Variants in PTPRD observed in about 807,000 individuals in gnomAD.
The protein encoded by PTPRD is protein tyrosine phosphatase receptor type D.
In PTPRD, 34 loss-of-function variants were observed where a neutral mutation model predicts 214.5. The ratio of observed to expected loss-of-function variants is 0.16; its 90% confidence interval spans 0.12 to 0.21. PTPRD has a LOEUF of 0.21. Among genes scored for constraint, PTPRD ranks in the 10% least tolerant of loss-of-function variants. The pLI, the probability that PTPRD is intolerant of heterozygous loss-of-function variation, is 1.00. For synonymous variants in PTPRD, 1,128 were observed against 845.7 expected, an observed-to-expected ratio of 1.33 and a Z score of -5.79; for missense variants, 2,545 against 2,398.7, an observed-to-expected ratio of 1.06 and a Z score of -1.27.
At chr9:8,340,985 A>G in intron 41 of PTPRD, 105 bp downstream of exon 41, 4 of 1,190,662 alleles carry the variant, frequency 3.4e-6, no homozygotes, top group Non-Finnish European at 4.7e-6. Context: ...TGACCTATGC[A>G]GAAAGAAAAT....
At chr9:9,265,923 A>G (rs1348328949) in intron 9 of PTPRD, among the ~76,000 whole-genome samples, 2 of 151,596 alleles carry the variant, frequency 1.3e-5, no homozygotes, top group East Asian at 3.9e-4. Context: ...ACATTCTCCA[A>G]TCAAAAGACA....
intron 2 of PTPRD, among the ~76,000 whole-genome samples, chr9:10,579,814 G>C (rs1055367608): frequency 6.6e-6 from 1 of 152,080 alleles, no homozygotes; most frequent in Non-Finnish European, 1.5e-5. Flanking sequence ...ACTGGTGTGA[G>C]ATAATTCTCG....
intron 2 of PTPRD, among the ~76,000 whole-genome samples, chr9:10,426,157 T>C (rs1464613649): frequency 1.3e-5 from 2 of 152,012 alleles, no homozygotes; most frequent in African/African-American, 2.4e-5. Flanking sequence ...ATGTGAATAT[T>C]GCTTTTCCTA....
At chr9:9,103,842 C>T (rs1412033308) in intron 10 of PTPRD, among the ~76,000 whole-genome samples, 2 of 151,870 alleles carry the variant, frequency 1.3e-5, no homozygotes, top group Admixed American at 6.6e-5. Flanking sequence ...ATTAGCTGGG[C>T]GTGGTGATGT....
intron 4 of PTPRD, among the ~76,000 whole-genome samples, chr9:10,028,512 C>T (rs1480469195): frequency 6.6e-6 from 1 of 152,070 alleles, no homozygotes; most frequent in African/African-American, 2.4e-5. Context: ...TGGCTTTGAC[C>T]AAAATGCTGA....
intron 5 of PTPRD, among the ~76,000 whole-genome samples, chr9:9,793,664 A>G (rs1037768835): frequency 4.6e-5 from 7 of 152,006 alleles, no homozygotes; most frequent in Non-Finnish European, 1.0e-4. Context: ...TTTATTCAGT[A>G]TTTTCAAAGG....
chr9:10,056,983 A>G (rs1227689329), intron 3 of PTPRD, among the ~76,000 whole-genome samples: 1 of 152,194 alleles, frequency 6.6e-6, no homozygotes, highest in African/African-American at 2.4e-5. Flanking sequence ...CAAGTAGAGA[A>G]TTGTAAACAT....
chr9:8,428,519 G>A (rs1382671111), intron 35 of PTPRD, among the ~76,000 whole-genome samples: 3 of 152,060 alleles, frequency 2.0e-5, no homozygotes, highest in Non-Finnish European at 4.4e-5. Context: ...AGAAATGGAG[G>A]CCTTCCCTTA....
At chr9:10,187,998 T>C (rs2099345802) in intron 3 of PTPRD, among the ~76,000 whole-genome samples, 1 of 152,208 alleles carries the variant, frequency 6.6e-6, no homozygotes. Context: ...CATTGAGAAG[T>C]CTCTACAATT....
intron 10 of PTPRD, among the ~76,000 whole-genome samples, chr9:9,128,633 T>A (rs1029484059): frequency 1.3e-5 from 2 of 152,250 alleles, no homozygotes; most frequent in African/African-American, 4.8e-5. Flanking sequence ...TTTCTGAATA[T>A]CATACGACTT....
At chr9:9,905,991 C>G (rs370834288) in intron 5 of PTPRD, among the ~76,000 whole-genome samples, 1 of 151,856 alleles carries the variant, frequency 6.6e-6, no homozygotes, top group Admixed American at 6.6e-5. Flanking sequence ...GCCAGATGCT[C>G]TAGGCAATAG....
intron 14 of PTPRD, among the ~76,000 whole-genome samples, chr9:8,546,196 T>C (rs1414074241): frequency 6.6e-6 from 1 of 152,158 alleles, no homozygotes; most frequent in African/African-American, 2.4e-5. Context: ...TGCAATTTCA[T>C]CCACTCCTCC....
intron 2 of PTPRD, among the ~76,000 whole-genome samples, chr9:10,362,838 C>A (rs1031680290): frequency 6.6e-5 from 10 of 152,134 alleles, no homozygotes; most frequent in African/African-American, 2.4e-4. Context: ...CGACATCGTG[C>A]CACTGCACTC....
At chr9:10,224,751 C>A (rs1426808483) in intron 3 of PTPRD, among the ~76,000 whole-genome samples, 1 of 151,998 alleles carries the variant, frequency 6.6e-6, no homozygotes, top group Non-Finnish European at 1.5e-5. Flanking sequence ...AAGACCAACT[C>A]TCCTCTTCCT....
intron 3 of PTPRD, among the ~76,000 whole-genome samples, chr9:10,235,256 A>G (rs554661122): frequency 6.6e-6 from 1 of 152,124 alleles, no homozygotes; most frequent in Admixed American, 6.6e-5. Flanking sequence ...AAGTCTCTGA[A>G]TTTCCATAAC....
intron 5 of PTPRD, among the ~76,000 whole-genome samples, chr9:9,836,387 G>T (rs1331846196): frequency 6.6e-6 from 1 of 152,118 alleles, no homozygotes; most frequent in African/African-American, 2.4e-5. Context: ...TGATGGGACT[G>T]CTGAATGGGC....
Position 8,626,251 on chromosome 9 carries a change from G to A in PTPRD, c.352+7066C>T, listed in dbSNP as rs962566906. On this transcript the variant is annotated intron_variant, in intron 14 of 45. Transcript: ENST00000381196. ...ATATAAACCTCAATTATGTATGAAT[G>A]ACTGTTTGATAGATTACTTTAAGTG... Among the ~76,000 whole-genome samples, 13 of 151,818 alleles carry A rather than the reference G, an allele frequency of 8.6e-5. No homozygotes were observed. In the South Asian group the frequency reaches 1.7e-3, roughly 19 times the overall value.
At chr9:10,095,556 T>C (rs2098474769) in intron 3 of PTPRD, among the ~76,000 whole-genome samples, 1 of 151,596 alleles carries the variant, frequency 6.6e-6, no homozygotes, top group African/African-American at 2.4e-5. Context: ...GTGCCTTCTC[T>C]ATATACCAGA....
chr9:9,122,206 C>T (rs2099818249), intron 10 of PTPRD, among the ~76,000 whole-genome samples: 1 of 152,170 alleles, frequency 6.6e-6, no homozygotes. Context: ...TATTGTTACT[C>T]ATCAGATATT....
Sources: gnomAD v4.1 joint callset for allele counts (sites outside exome capture counted in the v4.1 genomes callset) on GRCh38, gnomAD v4.1.1 for gene constraint, MANE v1.5 for transcripts, NCBI Gene and HGNC (gene_info 2026-07-23, HGNC 2026-07-21) for gene names.